The following STARD9 variants were observed in gnomAD, a reference collection of about 807,000 sequenced individuals.
STARD9 encodes the protein stAR-related lipid transfer protein 9.
In STARD9, 346 loss-of-function variants were observed where a neutral mutation model predicts 399.8. The ratio of observed to expected loss-of-function variants is 0.87; its 90% CI spans 0.79 to 0.95. The LOEUF (loss-of-function observed/expected upper bound fraction) is 0.95. Among genes scored for constraint, STARD9 ranks in the 40% least tolerant of loss-of-function variants. The pLI is 0.00. For missense variants in STARD9, 5,832 were observed against 5,667.5 expected (o/e 1.03, Z -0.93); for synonymous variants, 2,203 against 2,143.5 (o/e 1.03, Z -0.77).
chr15:42,717,969 C>A lies in STARD9; in HGVS notation c.13560-8C>A, dbSNP rs765085673. 18 of 1,536,140 alleles carry A rather than the reference C, an allele frequency of 1.2e-5. 1 individual carries two copies. The South Asian group carries it at 2.1e-4, about 18-fold the overall frequency. On this transcript the variant is annotated splice_polypyrimidine_tract_variant and splice_region_variant and intron_variant, in intron 29 of 32. Coordinates refer to ENST00000290607, the MANE Select transcript of STARD9 (RefSeq NM_020759.3). ...TTTCTATTTTCTGTGCTTGGTGTCT[C>A]CCCCCAGCTATCAGGGTGAGGAGCA...
chr15:42,603,507 T>C (rs2058669882), intron 3 of STARD9, among the ~76,000 whole-genome samples: 1 of 152,172 alleles, frequency 6.6e-6, no homozygotes, highest in African/African-American at 2.4e-5. Context: ...ACAAGGTTCT[T>C]GCCTGCTGCC....
chr15:42,713,377 G>A (rs1002093063), intron 26 of STARD9, among the ~76,000 whole-genome samples: 1 of 152,064 alleles, frequency 6.6e-6, no homozygotes, highest in Non-Finnish European at 1.5e-5. Flanking sequence ...CATGTCATCT[G>A]CCTTTTTTGT....
chr15:42,684,895 A>G lies in STARD9; in HGVS notation c.3317A>G (p.Asn1106Ser), dbSNP rs754455239. 8 of 1,537,000 alleles carry G rather than the reference A, an allele frequency of 5.2e-6. No homozygotes were observed. The African/African-American group carries it at 6.8e-5, about 13-fold the overall frequency. The stretch of plus-strand genomic sequence containing the variant: ...AATGATTTATCTGACACAGATAGCA[A>G]CTACTCATTGGATTCTCTCTCATGT... ...KDNDLSDTDS[N>S]YSLDSLSCVY... Residue 1106 changes from asparagine (N) to serine (S), a missense_variant, in exon 23 of 33, where the codon AAC (asparagine) becomes AGC (serine). Asn to Ser is a conservative substitution (Grantham distance 46). Around this residue, in one of 2 missense-constraint regions of STARD9, gnomAD observed 5,828 missense variants for 5,651.1 expected, o/e 1.03. Transcript: ENST00000290607.
intron 3 of STARD9, among the ~76,000 whole-genome samples, chr15:42,625,346 T>C (rs986379884): frequency 2.0e-5 from 3 of 150,958 alleles, no homozygotes; most frequent in African/African-American, 7.3e-5. Flanking sequence ...TTTTCTGTTT[T>C]TGGAGACAGA....
intron 3 of STARD9, among the ~76,000 whole-genome samples, chr15:42,614,409 C>T (rs1295350773): frequency 6.6e-6 from 1 of 151,988 alleles, no homozygotes; most frequent in African/African-American, 2.4e-5. Context: ...AGAGCAAAAC[C>T]GAATGGCCCA....
chr15:42,576,102 C>T (rs1217093030), intron 1 of STARD9, among the ~76,000 whole-genome samples: 1 of 152,126 alleles, frequency 6.6e-6, no homozygotes, highest in Non-Finnish European at 1.5e-5. Flanking sequence ...GCATTCTCCT[C>T]TCTCTTTCTG....
intron 3 of STARD9, among the ~76,000 whole-genome samples, chr15:42,624,064 A>T (rs2059146948): frequency 6.6e-6 from 1 of 152,216 alleles, no homozygotes; most frequent in African/African-American, 2.4e-5. Context: ...CCTGACATTT[A>T]TGAAGTGTGG....
Position 42,692,519 on chromosome 15 carries a change from C to G in STARD9, c.10941C>G (p.Ser3647Arg), listed in dbSNP as rs1319480311. 2.6e-6 allele frequency: 4 copies of G among 1,537,176 alleles called. No homozygotes were observed. The South Asian group carries it at 3.6e-5, about 14-fold the overall frequency. Reference protein sequence around the residue: ...TFEQGTQTLGSRRHWSSTDIS... With the variant: ...TFEQGTQTLGRRRHWSSTDIS... ...AACAGGGCACACAGACCCTCGGCAG[C>G]AGGCGCCACTGGAGCAGCACTGACA... The change falls in exon 23 of 33, where the codon AGC becomes AGG. Residue 3647 changes from serine (S) to arginine (R), a missense_variant. Transcript: ENST00000290607.
At chr15:42,600,002 C>T (rs148164728) in intron 3 of STARD9, among the ~76,000 whole-genome samples, 1 of 152,216 alleles carries the variant, frequency 6.6e-6, no homozygotes, top group African/African-American at 2.4e-5. Context: ...TTGGAGGGGA[C>T]AGCTTAAAGA....
intron 3 of STARD9, among the ~76,000 whole-genome samples, chr15:42,627,201 T>TG (rs750954039): frequency 6.6e-6 from 1 of 151,898 alleles, no homozygotes; most frequent in Admixed American, 6.6e-5. Context: ...GAGGCTAAGG[T>TG]GGGAGGATTG....
intron 3 of STARD9, among the ~76,000 whole-genome samples, chr15:42,597,673 C>T (rs1566861428): frequency 6.6e-6 from 1 of 151,672 alleles, no homozygotes; most frequent in Non-Finnish European, 1.5e-5. Flanking sequence ...CTAGCTGGGA[C>T]TACAGGCACC....
chr15:42,598,344 T>C (rs563534822), intron 3 of STARD9, among the ~76,000 whole-genome samples: 18 of 152,216 alleles, frequency 1.2e-4, no homozygotes, highest in African/African-American at 4.3e-4. Context: ...CCTATATTTT[T>C]AATGTAGTCA....
intron 1 of STARD9, chr15:42,581,522 G>C: frequency 1.4e-6 from 2 of 1,406,208 alleles, no homozygotes; most frequent in Non-Finnish European, 2.0e-6. Context: ...TTTGTGTGGC[G>C]GGTAGGCGGC....
At chr15:42,668,298 C>G (rs970602975) in intron 15 of STARD9, among the ~76,000 whole-genome samples, 23 of 152,030 alleles carry the variant, frequency 1.5e-4, no homozygotes, top group African/African-American at 5.3e-4. Context: ...TTCTAGGGTA[C>G]ATAAAGCACT....
chr15:42,630,413 A>G (rs1447734833), intron 3 of STARD9, among the ~76,000 whole-genome samples: 2 of 152,072 alleles, frequency 1.3e-5, no homozygotes, highest in Non-Finnish European at 2.9e-5. Context: ...TTTTTGATGT[A>G]TCTTTATGTG....
intron 32 of STARD9, 90 bp from the exon 33 acceptor site, chr15:42,719,383 C>T (rs1403542589): frequency 1.2e-6 from 1 of 824,120 alleles, no homozygotes; most frequent in Non-Finnish European, 1.9e-6. Flanking sequence ...CTCCCATCAC[C>T]ACAGGCTGAG....
intron 3 of STARD9, 141 bp from the exon 4 acceptor site, chr15:42,634,715 A>G (rs971958342): frequency 2.3e-5 from 12 of 533,054 alleles, no homozygotes; most frequent in Admixed American, 1.0e-4. Context: ...TATGAAGCTA[A>G]ATTGATTCTT....
chr15:42,668,185 G>T (rs1877137), intron 15 of STARD9, among the ~76,000 whole-genome samples: 4,204 of 152,168 alleles, frequency 0.028, 177 homozygotes, highest in African/African-American at 0.089. Flanking sequence ...AGAGTGTCCT[G>T]CCACTCACCA....
Position 42,687,920 on chromosome 15 carries a change from A to G in STARD9, c.6342A>G (p.Pro2114=), listed in dbSNP as rs1329745674. 6.5e-7 allele frequency: 1 copy of G among 1,537,354 alleles called. No homozygotes were observed. Among genetic ancestry groups the G allele is most frequent in the Non-Finnish European group, 8.7e-7 (1 of 1,146,954 alleles). Residue 2114 remains proline, a synonymous_variant, in exon 23 of 33, where the codon CCA becomes CCG. Coordinates refer to ENST00000290607, the MANE Select transcript of STARD9 (RefSeq NM_020759.3). ...ACCCTTTGCCCTCTAAGGATCAGCC[A>G]TCTTCTCCAAGACAGACAGATGATA... ...SGNPLPSKDQ[P]SSPRQTDDTV...
Sources: allele counts gnomAD v4.1 joint callset (sites outside exome capture counted in the v4.1 genomes callset), GRCh38; gene constraint gnomAD v4.1.1; regional missense constraint gnomAD v4.1.1; transcripts MANE v1.5; gene names NCBI Gene and HGNC (gene_info 2026-07-23, HGNC 2026-07-21).